Variants in CUL3 observed in about 807,000 individuals in gnomAD.
CUL3 encodes cullin-3.
A neutral mutation model predicts 89.1 loss-of-function variants in CUL3; 19 were observed. That is an observed-to-expected ratio of 0.21 (90% CI 0.15 to 0.31). The LOEUF (loss-of-function observed/expected upper bound fraction) is 0.31. Ranked by LOEUF, CUL3 falls within the 10% of genes least tolerant of loss-of-function variation. The pLI is 1.00. For missense variants in CUL3, 469 were observed against 942.3 expected (o/e 0.50, Z 6.58); for synonymous variants, 351 against 308.4 (o/e 1.14, Z -1.45).
intron 3 of CUL3, among the ~76,000 whole-genome samples, chr2:224,525,798 T>G (rs1693451950): frequency 6.6e-6 from 1 of 152,222 alleles, no homozygotes; most frequent in Admixed American, 6.5e-5. Flanking sequence ...CTTAATCTAC[T>G]CTGTTTTCTT....
chr2:224,540,721 G>A (rs1253892451), intron 2 of CUL3, among the ~76,000 whole-genome samples: 3 of 152,106 alleles, frequency 2.0e-5, no homozygotes, highest in Non-Finnish European at 4.4e-5. Context: ...CAGGATCCAC[G>A]TGCAGAACGT....
intron 1 of CUL3, among the ~76,000 whole-genome samples, chr2:224,568,860 T>G (rs1695111763): frequency 6.6e-6 from 1 of 152,146 alleles, no homozygotes; most frequent in Admixed American, 6.5e-5. Context: ...CATGATCGGG[T>G]CTTGGCATCA....
At chr2:224,511,306 G>C (rs542560717) in intron 6 of CUL3, 48 bp downstream of exon 6, 1 of 1,338,160 alleles carries the variant, frequency 7.5e-7, no homozygotes, top group Non-Finnish European at 1.0e-6. Flanking sequence ...TAAAAATATC[G>C]ATAAGGCAGA....
chr2:224,497,894 A>C (rs1219959729), intron 11 of CUL3, 45 bp from the exon 12 acceptor site: 1 of 1,427,554 alleles, frequency 7.0e-7, no homozygotes, highest in South Asian at 1.1e-5. Context: ...ACAAACTTAC[A>C]CATTTGAAAT....
chr2:224,495,224 T>A (rs952888619), intron 13 of CUL3: 1 of 152,134 alleles, frequency 6.6e-6, no homozygotes, highest in Non-Finnish European at 1.5e-5. Context: ...GTAGAGCGAC[T>A]GGACCGTCTT....
intron 3 of CUL3, among the ~76,000 whole-genome samples, chr2:224,532,102 T>C (rs1490936297): frequency 2.0e-5 from 3 of 152,210 alleles, no homozygotes; most frequent in Non-Finnish European, 4.4e-5. Flanking sequence ...CATTTGGACA[T>C]GCCAAGTTTG....
intron 2 of CUL3, among the ~76,000 whole-genome samples, chr2:224,550,153 G>A (rs1349468850): frequency 1.3e-5 from 2 of 152,146 alleles, no homozygotes; most frequent in African/African-American, 2.4e-5. Flanking sequence ...AATGCATGGG[G>A]ACCCGAAGTG....
chr2:224,552,653 C>A (rs1185452830), intron 2 of CUL3, among the ~76,000 whole-genome samples: 1 of 152,132 alleles, frequency 6.6e-6, no homozygotes, highest in Non-Finnish European at 1.5e-5. Context: ...ATCAAAGTAC[C>A]AACAAACTAT....
chr2:224,478,411 T>C, intron 14 of CUL3, 66 bp from the exon 15 acceptor site: 1 of 1,506,866 alleles, frequency 6.6e-7, no homozygotes, highest in Non-Finnish European at 9.0e-7. Context: ...AGCAAGCTTA[T>C]TATAATTCAA....
chr2:224,523,036 C>G (rs547894349), intron 3 of CUL3, among the ~76,000 whole-genome samples: 2 of 151,864 alleles, frequency 1.3e-5, no homozygotes, highest in African/African-American at 4.8e-5. Flanking sequence ...ATCTAGAGGT[C>G]AGAGGGAAAA....
At chr2:224,574,672 C>T (rs1218552714) in intron 1 of CUL3, among the ~76,000 whole-genome samples, 2 of 152,102 alleles carry the variant, frequency 1.3e-5, no homozygotes, top group Admixed American at 6.5e-5. Flanking sequence ...AAATAACTGC[C>T]CTACATGAAA....
intron 2 of CUL3, among the ~76,000 whole-genome samples, chr2:224,538,033 G>A (rs760121986): frequency 1.1e-4 from 16 of 152,116 alleles, no homozygotes; most frequent in Non-Finnish European, 2.2e-4. Context: ...AGTACAATGT[G>A]TCATAATTGC....
At chr2:224,509,192 G>T (rs114933645) in intron 6 of CUL3, among the ~76,000 whole-genome samples, 6 of 151,980 alleles carry the variant, frequency 3.9e-5, no homozygotes, top group Admixed American at 2.6e-4. Flanking sequence ...GGTTTCTAGC[G>T]GAAGCTCAGA....
chr2:224,488,655 G>A (rs1039784322), intron 13 of CUL3, among the ~76,000 whole-genome samples: 4 of 152,072 alleles, frequency 2.6e-5, no homozygotes, highest in Non-Finnish European at 2.9e-5. Context: ...AGGATCAGAC[G>A]GATTCACAGT....
chr2:224,511,635 T>C, intron 5 of CUL3, 53 bp from the exon 6 acceptor site: 1 of 1,021,094 alleles, frequency 9.8e-7, no homozygotes, highest in Non-Finnish European at 1.4e-6. Context: ...AGAGTGTTTT[T>C]GCTTTTAGCT....
chr2:224,567,175 A>C (rs978430990), intron 1 of CUL3, among the ~76,000 whole-genome samples: 2 of 152,174 alleles, frequency 1.3e-5, no homozygotes, highest in Non-Finnish European at 2.9e-5. Flanking sequence ...TACAGAGAGA[A>C]ACTGCTCACA....
chr2:224,584,858 T>A (rs1260140891), intron 1 of CUL3, 86 bp downstream of exon 1: 4 of 1,028,854 alleles, frequency 3.9e-6, no homozygotes, highest in Admixed American at 3.2e-5. Flanking sequence ...GCCTGCGGCC[T>A]GTTGGGGGAC....
chr2:224,524,795 C>G (rs796102954), intron 3 of CUL3, among the ~76,000 whole-genome samples: 5 of 151,834 alleles, frequency 3.3e-5, no homozygotes, highest in African/African-American at 1.2e-4. Flanking sequence ...CCCCACAAAA[C>G]AAAACAAAAA....
chr2:224,573,782 T>C (rs904197297), intron 1 of CUL3, among the ~76,000 whole-genome samples: 2 of 152,186 alleles, frequency 1.3e-5, no homozygotes, highest in Admixed American at 1.3e-4. Context: ...ATAAATATTT[T>C]ACTAGTCCTC....
Sources: gnomAD v4.1 joint callset for allele counts (sites outside exome capture counted in the v4.1 genomes callset) on GRCh38, gnomAD v4.1.1 for gene constraint, MANE v1.5 for transcripts, NCBI Gene and HGNC (gene_info 2026-07-23, HGNC 2026-07-21) for gene names.